PIM2: variants seen among roughly 807,000 people sequenced by gnomAD.
PIM2 encodes the protein Pim-2 proto-oncogene, serine/threonine kinase.
PIM2 carries 3 observed loss-of-function variants against 18.0 expected under a neutral mutation model. The observed-to-expected ratio is 0.17, with a 90% CI of 0.08 to 0.43. The LOEUF is 0.43. Ranked by LOEUF, PIM2 falls within the 20% of genes least tolerant of loss-of-function variation. The probability of loss-of-function intolerance (pLI) is 0.99; values close to 1 mark genes in which losing one functional copy is unlikely to be tolerated. For synonymous variants in PIM2, 117 were observed against 105.3 expected (o/e 1.11, Z -0.68); for missense variants, 181 against 260.8 (o/e 0.69, Z 2.11).
intron 3 of PIM2, among the ~76,000 whole-genome samples, chrX:48,916,574 C>G (rs782174956): frequency 8.9e-6 from 1 of 111,812 alleles, no homozygotes. Flanking sequence ...AGAGGCCGGG[C>G]GCGGTGGCTC....
chrX:48,915,898 C>A (rs1311599454), intron 3 of PIM2, among the ~76,000 whole-genome samples: 1 of 112,308 alleles, frequency 8.9e-6, no homozygotes, highest in Non-Finnish European at 1.9e-5. Context: ...TGTCTCAAAA[C>A]AAACAAGCAA....
chrX:48,914,357 G>A, intron 5 of PIM2, 38 bp downstream of exon 5: 1 of 1,210,707 alleles, frequency 8.3e-7, no homozygotes, highest in Non-Finnish European at 1.1e-6. Context: ...TCCCTGAGAA[G>A]GATGGAGTCT....
chrX:48,914,002 T>C lies in PIM2; in HGVS notation c.*129A>G. On this transcript the variant is annotated 3_prime_UTR_variant, in exon 6 of 6. Transcript: ENST00000376509. The stretch of plus-strand genomic sequence containing the variant: ...ACCCCTGATCCTCAATCCCTTACCT[T>C]AGTAATACTGGACTTTAATGACTGG... 1 of 451,731 alleles carries C rather than the reference T, an allele frequency of 2.2e-6. No individual in the cohort carries two copies. Among genetic ancestry groups the C allele is most frequent in the East Asian group, 3.9e-5 (1 of 25,437 alleles). The allele number at this position is 451,731 out of a possible 1,213,427, so 37.2% of individuals were successfully genotyped here.
In PIM2 at chrX:48,913,274, CT is replaced by C. The variant is rs1474570171; in HGVS notation, c.*856del. 2.7e-5 allele frequency: 3 copies of C among 110,990 alleles called. No homozygotes were observed. Among genetic ancestry groups the C allele is most frequent in the Non-Finnish European group, 3.8e-5 (2 of 52,891 alleles). 9.1% of individuals were successfully genotyped at this position (110,990 alleles called of 1,213,427 possible). On this transcript the variant is annotated 3_prime_UTR_variant, in exon 6 of 6. Coordinates refer to ENST00000376509, the MANE Select transcript of PIM2 (RefSeq NM_006875.4). ...AGAAGAGAGGAGGGCACACTTGGAA[CT>C]CCCCTCCCCACAATACGTGATTATT...
At chrX:48,917,670 G>C (rs1308771668) in intron 3 of PIM2, 111 bp downstream of exon 3, 3 of 555,015 alleles carry the variant, frequency 5.4e-6, no homozygotes, top group Non-Finnish European at 9.3e-6. Context: ...TGGGCTGGCA[G>C]TATTCTCACT....
chrX:48,914,679 A>G, intron 4 of PIM2, 108 bp from the exon 5 acceptor site: 1 of 657,088 alleles, frequency 1.5e-6, no homozygotes, highest in Non-Finnish European at 2.3e-6. Flanking sequence ...CTCAAGATAA[A>G]AGCAGAGTCC....
rs2063558335 is a variant in PIM2 at position 48,914,726 on chromosome X, C to T, written c.596-155G>A. ...AAAAAGCAGCTAAAATAACAGAGTC[C>T]CCTCAACAGAATAAAAGCACTGAAA... On this transcript the variant is annotated intron_variant, in intron 4 of 5. Transcript: ENST00000376509. 3 of 486,580 alleles carry T rather than the reference C, an allele frequency of 6.2e-6. No homozygotes were observed. The Admixed American group carries it at 1.3e-4, about 21-fold the overall frequency. The allele number at this position is 486,580 out of a possible 1,213,427, so 40.1% of individuals were successfully genotyped here. A position where few individuals can be genotyped will look rare whatever the true frequency, so the allele number is the denominator to read the frequency against.
intron 3 of PIM2, 55 bp from the exon 4 acceptor site, chrX:48,915,447 C>T (rs782701640): frequency 5.5e-5 from 61 of 1,114,226 alleles, no homozygotes; most frequent in Non-Finnish European, 7.3e-5. Context: ...GATGTCAGGG[C>T]AACAGCTCTG....
intron 2 of PIM2, among the ~76,000 whole-genome samples, chrX:48,918,180 C>T (rs1206603587): frequency 9.2e-6 from 1 of 108,318 alleles, no homozygotes; most frequent in East Asian, 2.9e-4. Flanking sequence ...GTCCGCATGA[C>T]TCCACACTGG....
Position 48,919,013 on chromosome X carries a change from C to G in PIM2, c.-179G>C. The G allele has an allele frequency of 1.9e-5, 8 of 424,725 alleles. No individual in the cohort carries two copies. Among genetic ancestry groups the G allele is most frequent in the Non-Finnish European group, 3.2e-5 (8 of 246,155 alleles). The allele number at this position is 424,725 out of a possible 1,213,427, so 35.0% of individuals were successfully genotyped here. ...GTTGAGATTCGCCGCGCGCGCCAGC[C>G]CCAATGCTACTGAGCCTGGGCACGC... On this transcript the variant is annotated 5_prime_UTR_variant, in exon 1 of 6. Coordinates refer to ENST00000376509, the MANE Select transcript of PIM2 (RefSeq NM_006875.4).
chrX:48,918,542 T>G lies in PIM2; in HGVS notation c.165A>C (p.Arg55=). 8.4e-7 allele frequency: 1 copy of G among 1,187,225 alleles called. No individual in the cohort carries two copies. The highest frequency in any genetic ancestry group is 1.1e-6 in the Non-Finnish European group (1 of 879,931). The change falls in exon 2 of 6, where the codon CGA becomes CGC. Residue 55 remains arginine, a synonymous_variant. Transcript: ENST00000376509. The stretch of plus-strand genomic sequence containing the variant: ...AGACCCTCATGACGGATACCTGGAG[T>G]CGATCTGTGAGGCGGTGTCCTGCGA... The part of the protein sequence containing the change: ...TVFAGHRLTD[R]LQVAIKVIPR...
chrX:48,914,666 G>T, intron 4 of PIM2, 95 bp from the exon 5 acceptor site: 1 of 756,362 alleles, frequency 1.3e-6, no homozygotes, highest in South Asian at 2.8e-5. Context: ...ACAATTAAGA[G>T]CACTCAAGAT....
Position 48,917,817 on chromosome X carries a change from C to A in PIM2, c.186G>T (p.Val62=). The change falls in exon 3 of 6, where the codon GTG becomes GTT. Residue 62 remains valine (V), a synonymous_variant. Transcript: ENST00000376509. ...AGCCCAGCACACGATTCCGGGGAAT[C>A]ACTTTGATGGCCACCTGGAGAAGAA... ...LTDRLQVAIK[V]IPRNRVLGWS... The A allele has an allele frequency of 8.3e-7, 1 of 1,202,795 alleles. No homozygotes were observed. Among genetic ancestry groups the A allele is most frequent in the Non-Finnish European group, 1.1e-6 (1 of 890,570 alleles).
At chrX:48,918,701 C>T in intron 1 of PIM2, 56 bp from the exon 2 acceptor site, 3 of 1,122,236 alleles carry the variant, frequency 2.7e-6, no homozygotes, top group Non-Finnish European at 3.6e-6. Context: ...CCAGCCACGA[C>T]TCCCTCCCCC....
At position 48,914,392 on chromosome X, in the gene PIM2, C is replaced by T. The variant is rs782798555; in HGVS notation, c.772+3G>A. Reference sequence around the variant, plus strand: ...TTCTGGGCTGGGGTCAGTGAGGCCTCACCTGGGGAGACATGGGCTGGGAAG... The same window carrying T: ...TTCTGGGCTGGGGTCAGTGAGGCCTTACCTGGGGAGACATGGGCTGGGAAG... On this transcript the variant is annotated splice_donor_region_variant and intron_variant, in intron 5 of 5. Transcript: ENST00000376509. The T allele has an allele frequency of 8.3e-7, 1 of 1,210,968 alleles. No individual in the cohort carries two copies. The highest frequency in any genetic ancestry group is 1.1e-6 in the Non-Finnish European group (1 of 895,192).
intron 3 of PIM2, chrX:48,915,690 C>G (rs1245674955): frequency 8.6e-6 from 2 of 232,439 alleles, no homozygotes; most frequent in African/African-American, 5.8e-5. Context: ...AATCCCAGCA[C>G]TTTGGGAGGC....
chrX:48,917,962 C>T, intron 2 of PIM2, 131 bp from the exon 3 acceptor site: 2 of 524,346 alleles, frequency 3.8e-6, no homozygotes, highest in Middle Eastern at 5.3e-4. Flanking sequence ...AACCACAGCA[C>T]CCCACAGAAC....
chrX:48,917,744 G>A (rs782585508), intron 3 of PIM2, 37 bp downstream of exon 3: 3 of 1,106,335 alleles, frequency 2.7e-6, no homozygotes, highest in Non-Finnish European at 3.7e-6. Context: ...ATCAGTGATG[G>A]AGTAGGTAGG....
Position 48,918,802 on chromosome X carries a change from C to G in PIM2, c.33G>C (p.Ala11=). 1 of 1,192,745 alleles carries G rather than the reference C, an allele frequency of 8.4e-7. No individual in the cohort carries two copies. The highest frequency in any genetic ancestry group is 1.1e-6 in the Non-Finnish European group (1 of 889,524). The change falls in exon 1 of 6, where the codon GCG becomes GCC. Residue 11 remains alanine, a synonymous_variant. Coordinates refer to ENST00000376509, the MANE Select transcript of PIM2 (RefSeq NM_006875.4). ...GCGGCGGCGTGGGGGTCCCGGGGGG[C>G]GCGGGAGGCCCCTGTAGAGGCTTGG... The part of the protein sequence containing the change: MLTKPLQGPP[A]PPGTPTPPPG...
Sources: allele counts gnomAD v4.1 joint callset (sites outside exome capture counted in the v4.1 genomes callset), GRCh38; gene constraint gnomAD v4.1.1; transcripts MANE v1.5; gene names NCBI Gene and HGNC (gene_info 2026-07-23, HGNC 2026-07-21).